Variants in LMO2 observed in about 807,000 individuals in gnomAD.
LMO2 encodes LIM domain only 2, also known as rhombotin-2.
In LMO2, 20 loss-of-function variants were observed where a neutral mutation model predicts 23.2. That is an observed-to-expected ratio of 0.86 (90% CI 0.61 to 1.25). The LOEUF (loss-of-function observed/expected upper bound fraction) is 1.25. Ranked by LOEUF, LMO2 falls within the 50% of genes most tolerant of loss-of-function variation. The pLI is 0.00. For missense variants in LMO2, 270 were observed against 315.3 expected, an observed-to-expected ratio of 0.86 and a Z score of 1.09; for synonymous variants, 123 against 130.2, an observed-to-expected ratio of 0.94 and a Z score of 0.38.
intron 2 of LMO2, among the ~76,000 whole-genome samples, chr11:33,876,374 C>T (rs1246798574): frequency 6.6e-6 from 1 of 152,152 alleles, no homozygotes; most frequent in Non-Finnish European, 1.5e-5. Context: ...TCTTCAGCAC[C>T]TAGAACGTGC....
At chr11:33,891,346 A>AACACACACACACACACACACAC (rs57617009) in intron 1 of LMO2, among the ~76,000 whole-genome samples, 6 of 125,058 alleles carry the variant, frequency 4.8e-5, no homozygotes, top group African/African-American at 1.9e-4. Flanking sequence ...TTGTTAGGCA[A>AACACACACACACACACACACAC]ACACACACAC....
At chr11:33,885,777 G>A (rs1421204195) in intron 1 of LMO2, among the ~76,000 whole-genome samples, 1 of 152,174 alleles carries the variant, frequency 6.6e-6, no homozygotes, top group Non-Finnish European at 1.5e-5. Flanking sequence ...GGGTCCCTTG[G>A]TAGATGATGT....
chr11:33,859,592 A>G lies in LMO2; in HGVS notation c.465-17T>C. 6.2e-7 allele frequency: 1 copy of G among 1,611,528 alleles called. No individual in the cohort carries two copies. On this transcript the variant is annotated splice_polypyrimidine_tract_variant and intron_variant, in intron 5 of 5. Coordinates refer to ENST00000257818, the MANE Select transcript of LMO2 (RefSeq NM_005574.4). ...CCAAAAAGCCTGGGGCAAAAGAAAG[A>G]AAAGCTAAGAAGACAGTGAAAGGGA...
chr11:33,879,752 G>T (rs1405345324), intron 2 of LMO2, among the ~76,000 whole-genome samples: 3 of 152,136 alleles, frequency 2.0e-5, no homozygotes, highest in Non-Finnish European at 4.4e-5. Flanking sequence ...CACATGAAAA[G>T]ATGTTCTACA....
At chr11:33,871,063 T>A in intron 2 of LMO2, 1 of 984,682 alleles carries the variant, frequency 1.0e-6, no homozygotes, top group African/African-American at 1.7e-5. Flanking sequence ...CATGGTTTTA[T>A]ATGATCAGTC....
At chr11:33,868,622 A>C (rs1307167574) in intron 4 of LMO2, among the ~76,000 whole-genome samples, 8 of 152,226 alleles carry the variant, frequency 5.3e-5, no homozygotes, top group Non-Finnish European at 2.9e-5. Context: ...CCCTGACCCC[A>C]AACCCTTTTA....
chr11:33,864,718 G>A lies in LMO2; in HGVS notation c.348C>T (p.Asp116=), dbSNP rs761672353. 15 of 1,614,074 alleles carry A rather than the reference G, an allele frequency of 9.3e-6. No individual in the cohort carries two copies. The Middle Eastern group carries it at 6.6e-4, about 71-fold the overall frequency. The part of the protein sequence containing the change: ...IGDRYFLKAI[D]QYWHEDCLSC... ...TCAGGCAGTCCTCGTGCCAGTACTG[G>A]TCGATGGCCTTCAGGAAGTAGCGGT... The change falls in exon 5 of 6, where the codon GAC becomes GAT. Residue 116 remains aspartate (D), a synonymous_variant. Transcript: ENST00000257818. This position sits in a 1 kb window ranked among gnomAD's most constrained non-coding sequence, Gnocchi z 4.8.
intron 2 of LMO2, among the ~76,000 whole-genome samples, chr11:33,874,108 GT>G (rs1307474057): frequency 4.0e-5 from 6 of 151,714 alleles, no homozygotes; most frequent in African/African-American, 1.5e-4. Flanking sequence ...TCTTAATAGG[GT>G]TTCGGCTCCC....
intron 4 of LMO2, among the ~76,000 whole-genome samples, chr11:33,868,232 T>C (rs956818665): frequency 1.3e-5 from 2 of 152,176 alleles, no homozygotes; most frequent in Admixed American, 6.5e-5. Context: ...ATAAACACCA[T>C]AGAAAGCCGA....
chr11:33,886,423 G>A (rs1857409026), intron 1 of LMO2, among the ~76,000 whole-genome samples: 1 of 152,152 alleles, frequency 6.6e-6, no homozygotes, highest in African/African-American at 2.4e-5. Context: ...AGGATGATGT[G>A]ATATTCCTGG....
chr11:33,877,458 A>ATTT (rs1316204187), intron 2 of LMO2, among the ~76,000 whole-genome samples: 1 of 81,378 alleles, frequency 1.2e-5, no homozygotes, highest in African/African-American at 5.5e-5. Flanking sequence ...CTGTCTCCAG[A>ATTT]TTCTTTTTTT....
intron 1 of LMO2, among the ~76,000 whole-genome samples, chr11:33,888,646 G>A (rs992846060): frequency 1.3e-5 from 2 of 152,092 alleles, no homozygotes; most frequent in South Asian, 2.1e-4. Flanking sequence ...CCGGGCCAGC[G>A]CATTCCATTT....
At chr11:33,882,263 A>G (rs1371233675) in intron 1 of LMO2, among the ~76,000 whole-genome samples, 1 of 152,078 alleles carries the variant, frequency 6.6e-6, no homozygotes, top group Non-Finnish European at 1.5e-5. Context: ...TTGCCATTGT[A>G]TGCACCTGCC....
chr11:33,879,249 C>G (rs1857205578), intron 2 of LMO2, among the ~76,000 whole-genome samples: 1 of 152,026 alleles, frequency 6.6e-6, no homozygotes. Context: ...CAAAAGACAC[C>G]ATCAACAGAG....
Position 33,869,625 on chromosome 11 carries a change from CGGGCGCGCCGCGGCCGAGGCGGGGGCCG to C in LMO2, c.7+57_8-40del. On this transcript the variant is annotated intron_variant, in intron 3 of 5. Coordinates refer to ENST00000257818, the MANE Select transcript of LMO2 (RefSeq NM_005574.4). ...AGAGAGAGAGCGAATCACCGGGCTG[CGGGCGCGCCGCGGCCGAGGCGGGGGCCG>C]GGGCGCGCAGCCTGGCTCCAGGCGG... is the stretch of plus-strand genomic sequence containing the variant. 4 of 1,260,268 alleles carry C rather than the reference CGGGCGCGCCGCGGCCGAGGCGGGGGCCG, an allele frequency of 3.2e-6. No individual in the cohort carries two copies. In the South Asian group the frequency reaches 7.1e-5, roughly 22 times the overall value. The allele number at this position is 1,260,268 out of a possible 1,614,324, so 78.1% of individuals were successfully genotyped here.
In LMO2 at chr11:33,869,785, G is replaced by T. The variant is rs966866937; in HGVS notation, c.-69C>A. 8.6e-7 allele frequency: 1 copy of T among 1,158,594 alleles called. No individual in the cohort carries two copies. Among genetic ancestry groups the T allele is most frequent in the South Asian group, 3.8e-5 (1 of 26,188 alleles). 71.8% of individuals were successfully genotyped at this position (1,158,594 alleles called of 1,614,324 possible). On this transcript the variant is annotated 5_prime_UTR_variant, in exon 3 of 6. Transcript: ENST00000257818. ...TCGCCGGCTCCGCGCCGCCCGCGGG[G>T]ATGGTGTGCGCCCGCCCGGCCGCCC... is the stretch of plus-strand genomic sequence containing the variant.
chr11:33,891,390 T>TACAC (rs1857547421), intron 1 of LMO2, among the ~76,000 whole-genome samples: 2 of 52,820 alleles, frequency 3.8e-5, no homozygotes, highest in African/African-American at 1.5e-4. Context: ...CACACACACA[T>TACAC]GCACACACAC....
At position 33,858,623 on chromosome 11, in the gene LMO2, A is replaced by G. The variant is rs1856448643; in HGVS notation, c.*733T>C. The G allele has an allele frequency of 5.6e-6, 1 of 176,998 alleles. No homozygotes were observed. The highest frequency in any genetic ancestry group is 1.2e-5 in the Non-Finnish European group (1 of 83,510). 11.0% of individuals were successfully genotyped at this position (176,998 alleles called of 1,614,324 possible). On this transcript the variant is annotated 3_prime_UTR_variant, in exon 6 of 6. Transcript: ENST00000257818. ...AGCCTGCAGAGCTGTTTTTTTTTCT[A>G]CACACGACAAATACTTTGATATAAT...
chr11:33,863,134 T>C (rs749276891), intron 5 of LMO2, among the ~76,000 whole-genome samples: 4 of 152,154 alleles, frequency 2.6e-5, no homozygotes, highest in African/African-American at 4.8e-5. Flanking sequence ...AAGGGTCCGA[T>C]GGGAATCATT....
Sources: gnomAD v4.1 joint callset for allele counts (sites outside exome capture counted in the v4.1 genomes callset) on GRCh38, gnomAD v4.1.1 for gene constraint, Gnocchi (gnomAD v3.1) non-coding constraint, MANE v1.5 for transcripts, NCBI Gene and HGNC (gene_info 2026-07-23, HGNC 2026-07-21) for gene names.